The following RPS6KC1 variants were observed in gnomAD, a reference collection of about 807,000 sequenced individuals.
The protein encoded by RPS6KC1 is inactive ribosomal protein S6 kinase delta-1.
Under a neutral mutation model 103.8 loss-of-function variants are expected in RPS6KC1, and 54 were observed. The ratio of observed to expected loss-of-function variants is 0.52; its 90% CI spans 0.42 to 0.65. The LOEUF is 0.65. Ranked by LOEUF, RPS6KC1 falls within the 30% of genes least tolerant of loss-of-function variation. RPS6KC1 has a pLI of 0.00. For synonymous variants in RPS6KC1, 439 were observed against 438.7 expected, an observed-to-expected ratio of 1.00 and a Z score of -0.01; for missense variants, 1,151 against 1,253.8, an observed-to-expected ratio of 0.92 and a Z score of 1.24.
At chr1:213,189,800 A>G (rs2092684678) in intron 8 of RPS6KC1, among the ~76,000 whole-genome samples, 1 of 152,096 alleles carries the variant, frequency 6.6e-6, no homozygotes, top group Non-Finnish European at 1.5e-5. Context: ...TCCGAACCCT[A>G]CACGATCCTT....
chr1:213,591,490 C>T, the RPS6KC1 span, among the ~76,000 whole-genome samples: 7 of 152,192 alleles, frequency 4.6e-5, no homozygotes, highest in African/African-American at 1.2e-4. Context: ...TCCAGCAGCA[C>T]ATTATCCCAC....
chr1:213,854,510 C>CTT, the RPS6KC1 span, among the ~76,000 whole-genome samples: 335 of 121,000 alleles, frequency 2.8e-3, 2 homozygotes, highest in Admixed American at 9.8e-3. Context: ...CTCTTTCTTT[C>CTT]TCTTTCTTTC....
chr1:213,817,130 T>G, the RPS6KC1 span, among the ~76,000 whole-genome samples: 1 of 152,006 alleles, frequency 6.6e-6, no homozygotes, highest in Non-Finnish European at 1.5e-5. Flanking sequence ...TCAGTGTGAG[T>G]GGTACCAAGA....
At chr1:213,749,116 T>G in the RPS6KC1 span, among the ~76,000 whole-genome samples, 4 of 152,098 alleles carry the variant, frequency 2.6e-5, no homozygotes, top group Non-Finnish European at 5.9e-5. Context: ...CTCCACATAA[T>G]CAATTTATTC....
the RPS6KC1 span, among the ~76,000 whole-genome samples, chr1:213,379,252 A>C: frequency 6.6e-6 from 1 of 152,172 alleles, no homozygotes; most frequent in Admixed American, 6.5e-5. Flanking sequence ...CGGTACCTTT[A>C]ATGTGACCTT....
intron 3 of RPS6KC1, among the ~76,000 whole-genome samples, chr1:213,092,128 A>C (rs1231123724): frequency 1.3e-5 from 2 of 152,180 alleles, no homozygotes. Context: ...AAAAAATGCA[A>C]CTGCTTTTGT....
chr1:213,244,358 A>G (rs1379741336), intron 12 of RPS6KC1, among the ~76,000 whole-genome samples: 1 of 152,154 alleles, frequency 6.6e-6, no homozygotes, highest in Non-Finnish European at 1.5e-5. Flanking sequence ...GTTACATGCT[A>G]AAGTGAAGTA....
At chr1:213,437,653 T>G in the RPS6KC1 span, among the ~76,000 whole-genome samples, 1 of 151,956 alleles carries the variant, frequency 6.6e-6, no homozygotes, top group Non-Finnish European at 1.5e-5. Flanking sequence ...ACTAAATAGA[T>G]ACACACTATT....
chr1:213,099,378 T>C (rs973119709), intron 3 of RPS6KC1, among the ~76,000 whole-genome samples: 1 of 152,208 alleles, frequency 6.6e-6, no homozygotes, highest in African/African-American at 2.4e-5. Flanking sequence ...TGCTATATTT[T>C]CCTTATCATA....
At chr1:213,363,604 C>CTTGCTTGCTT in the RPS6KC1 span, among the ~76,000 whole-genome samples, 3 of 85,134 alleles carry the variant, frequency 3.5e-5, 1 homozygote, top group Non-Finnish European at 6.8e-5. Context: ...CTTGCTCGCT[C>CTTGCTTGCTT]GCTTGCTTGC....
At chr1:213,585,177 C>A in the RPS6KC1 span, among the ~76,000 whole-genome samples, 3 of 152,166 alleles carry the variant, frequency 2.0e-5, no homozygotes, top group African/African-American at 7.2e-5. Context: ...AGAGCCTACC[C>A]AGAGCCTGGC....
At chr1:213,394,241 T>G in the RPS6KC1 span, among the ~76,000 whole-genome samples, 1 of 152,196 alleles carries the variant, frequency 6.6e-6, no homozygotes, top group Non-Finnish European at 1.5e-5. Context: ...TGAACTAGCA[T>G]CTTTTCCAGG....
chr1:213,645,310 G>A, the RPS6KC1 span, among the ~76,000 whole-genome samples: 1 of 152,072 alleles, frequency 6.6e-6, no homozygotes, highest in East Asian at 1.9e-4. Context: ...TGAGAGCCAA[G>A]GTGTATTTTG....
intron 7 of RPS6KC1, among the ~76,000 whole-genome samples, chr1:213,169,112 C>T (rs961272899): frequency 1.3e-5 from 2 of 152,114 alleles, no homozygotes; most frequent in Admixed American, 1.3e-4. Flanking sequence ...AATCAAGTGC[C>T]TCTCTAGCAT....
the RPS6KC1 span, among the ~76,000 whole-genome samples, chr1:213,328,540 A>ATATATC: frequency 1.5e-5 from 2 of 133,260 alleles, no homozygotes; most frequent in African/African-American, 2.8e-5. Context: ...ATATATATAT[A>ATATATC]TCACACACAC....
intron 1 of RPS6KC1, among the ~76,000 whole-genome samples, chr1:213,052,584 A>G (rs2077040081): frequency 1.3e-5 from 2 of 151,846 alleles, no homozygotes; most frequent in African/African-American, 2.4e-5. Flanking sequence ...CTTGTTGCCC[A>G]GGCTGGAGTG....
the RPS6KC1 span, among the ~76,000 whole-genome samples, chr1:213,294,653 A>T: frequency 4.6e-5 from 7 of 152,174 alleles, no homozygotes; most frequent in Non-Finnish European, 8.8e-5. Context: ...CCTACCTAGG[A>T]TCAGCCAGAA....
the RPS6KC1 span, among the ~76,000 whole-genome samples, chr1:213,412,106 C>T: frequency 6.6e-6 from 1 of 152,146 alleles, no homozygotes; most frequent in Non-Finnish European, 1.5e-5. Context: ...AGAGGGTGGA[C>T]CTGGTCTGCT....
At chr1:213,601,234 G>C in the RPS6KC1 span, among the ~76,000 whole-genome samples, 1 of 150,390 alleles carries the variant, frequency 6.6e-6, no homozygotes, top group Non-Finnish European at 1.5e-5. Flanking sequence ...TTTGTGTGTG[G>C]GTGTGAATAT....
Sources: allele counts gnomAD v4.1 joint callset (sites outside exome capture counted in the v4.1 genomes callset), GRCh38; gene constraint gnomAD v4.1.1; transcripts MANE v1.5; gene names NCBI Gene and HGNC (gene_info 2026-07-23, HGNC 2026-07-21).